The following ADH6 variants were observed in gnomAD, a reference collection of about 807,000 sequenced individuals.
ADH6 encodes alcohol dehydrogenase 6.
Under a neutral mutation model 36.5 loss-of-function variants are expected in ADH6, and 34 were observed. The observed-to-expected ratio is 0.93, with a 90% CI of 0.71 to 1.24. The LOEUF (loss-of-function observed/expected upper bound fraction) is 1.24, where lower values mean the gene tolerates loss of function less well. Among genes scored for constraint, ADH6 ranks in the 50% most tolerant of loss-of-function variants. The pLI, the probability that ADH6 is intolerant of heterozygous loss-of-function variation, is 0.00. For missense variants in ADH6, 440 were observed against 447.0 expected (o/e 0.98, Z 0.14); for synonymous variants, 161 against 155.5 (o/e 1.04, Z -0.26).
chr4:99,213,204 C>T (rs1731287671), intron 3 of ADH6, among the ~76,000 whole-genome samples: 2 of 152,118 alleles, frequency 1.3e-5, no homozygotes, highest in South Asian at 4.1e-4. Context: ...CCTCATGCTG[C>T]ATTAACTTCT....
At chr4:99,206,979 A>G (rs1731059223) in intron 7 of ADH6, among the ~76,000 whole-genome samples, 3 of 152,006 alleles carry the variant, frequency 2.0e-5, no homozygotes, top group South Asian at 2.1e-4. Flanking sequence ...AATCAATAGT[A>G]TTTCTTTTAA....
Position 99,216,158 on chromosome 4 carries a change from T to TTTTAA in ADH6, c.120+2_120+3insTTAAA. ...TGATTTTTTTTTTTTTTTTTTTTTT[T>TTTTAA]ACCTTTATGCGAACTTCCTTTGCCT... On this transcript the variant is annotated splice_region_variant and intron_variant, in intron 2 of 8. Transcript: ENST00000394899. The TTTTAA allele has an allele frequency of 2.3e-6, 3 of 1,301,998 alleles. No homozygotes were observed. Among genetic ancestry groups the TTTTAA allele is most frequent in the Non-Finnish European group, 3.1e-6 (3 of 970,030 alleles). 80.7% of individuals were successfully genotyped at this position (1,301,998 alleles called of 1,614,324 possible). A position where few individuals can be genotyped will look rare whatever the true frequency, so the allele number is the denominator to read the frequency against.
In ADH6 at chr4:99,218,549, TTCTC is replaced by T. The variant is rs552814378; in HGVS notation, c.18+582_18+585del. Among the ~76,000 whole-genome samples, 584 of 152,322 alleles carry T rather than the reference TTCTC, an allele frequency of 3.8e-3. 2 individuals carry two copies. Among genetic ancestry groups the T allele is most frequent in the African/African-American group, 0.013 (546 of 41,574 alleles). On this transcript the variant is annotated intron_variant, in intron 1 of 8. Coordinates refer to ENST00000394899, the MANE Select transcript of ADH6 (RefSeq NM_001102470.2). ...ACCTGGATCCGCTGACATCAGGATTTTCTCTCTGTCAGTCTCTCCAACCTTATTT... is the reference window on the plus strand; with the variant it reads ...ACCTGGATCCGCTGACATCAGGATTTTCTGTCAGTCTCTCCAACCTTATTT...
Position 99,210,476 on chromosome 4 carries a change from G to T in ADH6, c.289C>A (p.Pro97Thr). 8 of 1,611,592 alleles carry T rather than the reference G, an allele frequency of 5.0e-6. No individual in the cohort carries two copies. Among genetic ancestry groups the T allele is most frequent in the Non-Finnish European group, 6.8e-6 (8 of 1,178,996 alleles). ...CAAGAGGTACATTCTCCACACTGTG[G>T]CAGAAAGAGTGTGATAACTTTGTCA... is the stretch of plus-strand genomic sequence containing the variant. ...PGDKVITLFL[P>T]QCGECTSCLN... The change falls in exon 4 of 9, where the codon CCA becomes ACA. Residue 97 changes from proline to threonine, a missense_variant. Coordinates refer to ENST00000394899, the MANE Select transcript of ADH6 (RefSeq NM_001102470.2).
At position 99,213,560 on chromosome 4, in the gene ADH6, G is replaced by A. The variant is rs761862486; in HGVS notation, c.262+46C>T. The A allele has an allele frequency of 9.8e-6, 15 of 1,523,412 alleles. No individual in the cohort carries two copies. The East Asian group carries it at 3.3e-4, about 33-fold the overall frequency. 94.4% of individuals were successfully genotyped at this position (1,523,412 alleles called of 1,614,324 possible). ...GGGGTGCTTATCATTTTCTCGAGTTGGTTCCAAGTTGTTGCTGTTTCCTAT... is the reference window on the plus strand; with the variant it reads ...GGGGTGCTTATCATTTTCTCGAGTTAGTTCCAAGTTGTTGCTGTTTCCTAT... On this transcript the variant is annotated intron_variant, in intron 3 of 8. Transcript: ENST00000394899.
At chr4:99,207,825 T>C (rs866278409) in intron 6 of ADH6, among the ~76,000 whole-genome samples, 1 of 151,978 alleles carries the variant, frequency 6.6e-6, no homozygotes. Flanking sequence ...AAAATGAAAA[T>C]AGTAAAAACA....
rs142327148 is a variant in ADH6 at position 99,204,262 on chromosome 4, G to C, written c.1104-19C>G. The C allele has an allele frequency of 2.0e-3, 3,185 of 1,596,856 alleles. 7 individuals carry two copies. The highest frequency in any genetic ancestry group is 2.5e-3 in the Non-Finnish European group (2,951 of 1,177,650). On this transcript the variant is annotated intron_variant, in intron 8 of 8. Transcript: ENST00000394899. ...GCGGATACTGAAAAAAAGAAGAAGA[G>C]AAAAAAGGTTGGAACATTTTTAGAG...
chr4:99,213,783 G>A (rs746459529), intron 2 of ADH6, 36 bp from the exon 3 acceptor site: 2 of 1,519,504 alleles, frequency 1.3e-6, no homozygotes, highest in Non-Finnish European at 1.8e-6. Flanking sequence ...AGTTCCCGCT[G>A]TTTCAGATAA....
intron 1 of ADH6, among the ~76,000 whole-genome samples, chr4:99,218,449 A>T (rs1731526776): frequency 6.6e-6 from 1 of 152,168 alleles, no homozygotes. Flanking sequence ...AATCACCTTT[A>T]TACCATTGCC....
intron 1 of ADH6, among the ~76,000 whole-genome samples, chr4:99,217,415 C>CT (rs1731487454): frequency 6.6e-6 from 1 of 152,180 alleles, no homozygotes; most frequent in Non-Finnish European, 1.5e-5. Flanking sequence ...TTCCCACTCT[C>CT]TACCTCCATG....
chr4:99,219,039 G>T, intron 1 of ADH6, 96 bp downstream of exon 1: 1 of 1,228,382 alleles, frequency 8.1e-7, no homozygotes, highest in Non-Finnish European at 1.2e-6. Flanking sequence ...ACCTTTAGGA[G>T]CCCAGAGACT....
rs372115272 is a variant in ADH6 at position 99,207,573 on chromosome 4, G to A, written c.837C>T (p.Ala279=). 80 of 1,613,074 alleles carry A rather than the reference G, an allele frequency of 5.0e-5. No homozygotes were observed. Among genetic ancestry groups the A allele is most frequent in the Non-Finnish European group, 6.1e-5 (72 of 1,179,532 alleles). Residue 279 remains alanine (A), a synonymous_variant, in exon 7 of 9, where the codon GCC becomes GCT. Coordinates refer to ENST00000394899, the MANE Select transcript of ADH6 (RefSeq NM_001102470.2). ...AIGNLDVLAA[A]LASCNESYGV... is the part of the protein sequence containing the mutation. ...CATAGCTCTCATTGCAGGAGGCGAG[G>A]GCAGCTGCCTGTTAGAAAGTGATGC...
At chr4:99,217,243 A>G (rs368762095) in intron 1 of ADH6, among the ~76,000 whole-genome samples, 35 of 152,092 alleles carry the variant, frequency 2.3e-4, no homozygotes, top group East Asian at 7.8e-4. Flanking sequence ...TCACTGTGTT[A>G]GCCAGGATGT....
At position 99,216,251 on chromosome 4, in the gene ADH6, G is replaced by C; in HGVS notation, c.30C>G (p.Cys10Trp). The change falls in exon 2 of 9, where the codon TGC becomes TGG. Residue 10 changes from cysteine to tryptophan, a missense_variant. Coordinates refer to ENST00000394899, the MANE Select transcript of ADH6 (RefSeq NM_001102470.2). MSTTGQVIR[C>W]KAAILWKPGA... Reference sequence around the variant, plus strand: ...CAGGCTTCCAGAGTATGGCTGCTTTGCATCTGATGACCTGGGAAATAGAAT... The same window carrying C: ...CAGGCTTCCAGAGTATGGCTGCTTTCCATCTGATGACCTGGGAAATAGAAT... 6.4e-7 allele frequency: 1 copy of C among 1,564,102 alleles called. No individual in the cohort carries two copies. The highest frequency in any genetic ancestry group is 8.6e-7 in the Non-Finnish European group (1 of 1,157,284).
intron 3 of ADH6, among the ~76,000 whole-genome samples, chr4:99,213,322 AG>A (rs1731290838): frequency 6.6e-6 from 1 of 152,164 alleles, no homozygotes; most frequent in Admixed American, 6.5e-5. Flanking sequence ...AGTTTACCTC[AG>A]TCAACCTTTT....
chr4:99,207,314 C>T, intron 7 of ADH6, 132 bp downstream of exon 7: 2 of 1,189,330 alleles, frequency 1.7e-6, no homozygotes, highest in Admixed American at 2.4e-5. Flanking sequence ...ATTGGGTATT[C>T]ATATGTTGAA....
chr4:99,204,286 A>G (rs1466288711), intron 8 of ADH6, 43 bp from the exon 9 acceptor site: 1 of 1,592,460 alleles, frequency 6.3e-7, no homozygotes, highest in African/African-American at 1.3e-5. Flanking sequence ...ACATTTTTAG[A>G]GCAACATTTG....
chr4:99,202,682 CT>C lies in ADH6; in HGVS notation c.*1536del. 2.5e-6 allele frequency: 1 copy of C among 397,924 alleles called. No individual in the cohort carries two copies. 24.6% of individuals were successfully genotyped at this position (397,924 alleles called of 1,614,324 possible). A position where few individuals can be genotyped will look rare whatever the true frequency, so the allele number is the denominator to read the frequency against. On this transcript the variant is annotated 3_prime_UTR_variant, in exon 9 of 9. Transcript: ENST00000394899. ...TTTATTGGAGCAAAGAGTGTGGACA[CT>C]GTTTACAACAAAACGTTTCCGGGAA...
chr4:99,204,972 A>T lies in ADH6; in HGVS notation c.1056T>A (p.Asn352Lys). 1 of 1,610,026 alleles carries T rather than the reference A, an allele frequency of 6.2e-7. No homozygotes were observed. Among genetic ancestry groups the T allele is most frequent in the South Asian group, 1.1e-5 (1 of 90,388 alleles). Residue 352 changes from asparagine to lysine, a missense_variant, in exon 8 of 9, where the codon AAT becomes AAA. Coordinates refer to ENST00000394899, the MANE Select transcript of ADH6 (RefSeq NM_001102470.2). ...CAACTGCTTCATTGATTTTATCAAG[A>T]TTCAGAGTATGAGTAATTAGTGGAT... Reference protein sequence around the residue: ...NLDPLITHTLNLDKINEAVEL... With the variant: ...NLDPLITHTLKLDKINEAVEL...
Sources: gnomAD v4.1 joint callset for allele counts (sites outside exome capture counted in the v4.1 genomes callset) on GRCh38, gnomAD v4.1.1 for gene constraint, MANE v1.5 for transcripts, NCBI Gene and HGNC (gene_info 2026-07-23, HGNC 2026-07-21) for gene names.